Variants in PPP2R2C observed in about 807,000 individuals in gnomAD.
The protein encoded by PPP2R2C is protein phosphatase 2, regulatory subunit B, gamma.
Under a neutral mutation model 45.3 loss-of-function variants are expected in PPP2R2C, and 10 were observed. The observed-to-expected ratio is 0.22, with a 90% CI of 0.14 to 0.37. The LOEUF (loss-of-function observed/expected upper bound fraction) is 0.37. PPP2R2C is among the 10% of genes least tolerant of loss of function. The pLI, the probability that PPP2R2C is intolerant of heterozygous loss-of-function variation, is 1.00. For synonymous variants in PPP2R2C, 257 were observed against 245.4 expected (o/e 1.05, Z -0.44); for missense variants, 308 against 619.7 (o/e 0.50, Z 5.34).
At chr4:6,518,938 A>T (rs1209463910) in intron 2 of PPP2R2C, among the ~76,000 whole-genome samples, 1 of 111,764 alleles carries the variant, frequency 8.9e-6, no homozygotes. Flanking sequence ...AAAAAAAAAA[A>T]AAAAAAAAAA....
chr4:6,328,633 G>C lies in PPP2R2C; in HGVS notation c.1052+629C>G, dbSNP rs1732146942. 6.6e-6 allele frequency among the ~76,000 whole-genome samples: 1 copy of C among 152,194 alleles called. No homozygotes were observed. The highest frequency in any genetic ancestry group is 1.5e-5 in the Non-Finnish European group (1 of 68,026). ...CAGCCCCCTTGTCCATGCCCGCCCT[G>C]GGCTGAGCCCAGGCTAGGGAGACAC... is the stretch of plus-strand genomic sequence containing the variant. On this transcript the variant is annotated intron_variant, in intron 8 of 8. Coordinates refer to ENST00000382599, the MANE Select transcript of PPP2R2C (RefSeq NM_020416.4). The surrounding 1 kb of genome is among the most constrained non-coding windows in gnomAD (Gnocchi z 4.4).
chr4:6,372,483 T>C (rs1346567550), intron 5 of PPP2R2C, 40 bp downstream of exon 5: 1 of 1,563,552 alleles, frequency 6.4e-7, no homozygotes, highest in Admixed American at 1.8e-5. Flanking sequence ...GAAGCTACTC[T>C]GCCCGTGGGA....
intron 1 of PPP2R2C, chr4:6,414,101 TG>T (rs1718397190): frequency 1.5e-6 from 2 of 1,315,622 alleles, no homozygotes; most frequent in African/African-American, 1.5e-5. Flanking sequence ...TGTGTGTGTG[TG>T]TGTGTGTGTG....
chr4:6,497,929 A>C (rs1722925716), intron 2 of PPP2R2C, among the ~76,000 whole-genome samples: 1 of 152,264 alleles, frequency 6.6e-6, no homozygotes, highest in African/African-American at 2.4e-5. Context: ...GACCATTAGC[A>C]GTCACCAGAT....
At position 6,505,972 on chromosome 4, in the gene PPP2R2C, AT is replaced by A. The variant is rs200324091; in HGVS notation, c.49+29298del. On this transcript the variant is annotated intron_variant, in intron 2 of 9. Coordinates refer to the PPP2R2C transcript ENST00000506140. Reference sequence around the variant, plus strand: ...CAGAGTGAGACTCCCTCTCAAAAACATTTTTTTTAATTAAAAAAATAAAAAA... The same window carrying A: ...CAGAGTGAGACTCCCTCTCAAAAACATTTTTTTAATTAAAAAAATAAAAAA... Among the ~76,000 whole-genome samples, 1,396 of 152,132 alleles carry A rather than the reference AT, an allele frequency of 9.2e-3. 12 individuals are homozygous for A. Among genetic ancestry groups the A allele is most frequent in the African/African-American group, 0.025 (1,020 of 41,484 alleles).
chr4:6,555,829 C>A (rs1725384579), intron 1 of PPP2R2C, among the ~76,000 whole-genome samples: 1 of 152,078 alleles, frequency 6.6e-6, no homozygotes, highest in Non-Finnish European at 1.5e-5. Flanking sequence ...GCTTGCTGGT[C>A]TCCTCGGGTA....
At chr4:6,349,597 T>A in intron 5 of PPP2R2C, 1 of 985,182 alleles carries the variant, frequency 1.0e-6, no homozygotes, top group Non-Finnish European at 1.2e-6. Flanking sequence ...TCCCAGCACT[T>A]TGGGAGGCCG....
intron 1 of PPP2R2C, among the ~76,000 whole-genome samples, chr4:6,413,174 C>T (rs11731465): frequency 6.6e-6 from 1 of 151,936 alleles, no homozygotes; most frequent in African/African-American, 2.4e-5. Context: ...ATCACACGCT[C>T]TCACACTCAC....
At position 6,472,402 on chromosome 4, in the gene PPP2R2C, G is replaced by C; in HGVS notation, c.-173C>G. 1 of 883,844 alleles carries C rather than the reference G, an allele frequency of 1.1e-6. No homozygotes were observed. The highest frequency in any genetic ancestry group is 1.4e-6 in the Non-Finnish European group (1 of 738,666). The allele number at this position is 883,844 out of a possible 1,614,324, so 54.8% of individuals were successfully genotyped here. A position where few individuals can be genotyped will look rare whatever the true frequency, so the allele number is the denominator to read the frequency against. ...GGGACGGGCGGGGGCGGCCGGGGGCGGGCGCCGCGGTCAAGCGAGCGCGCG... is the reference window on the plus strand; with the variant it reads ...GGGACGGGCGGGGGCGGCCGGGGGCCGGCGCCGCGGTCAAGCGAGCGCGCG... On this transcript the variant is annotated 5_prime_UTR_variant, in exon 1 of 9. Transcript: ENST00000382599.
chr4:6,428,632 G>A (rs1488158962), intron 1 of PPP2R2C, among the ~76,000 whole-genome samples: 3 of 152,338 alleles, frequency 2.0e-5, no homozygotes, highest in East Asian at 1.9e-4. Flanking sequence ...GGGTTGACTC[G>A]TTTGGGGCAA....
chr4:6,335,063 A>C (rs899109874), intron 6 of PPP2R2C, among the ~76,000 whole-genome samples: 1 of 152,296 alleles, frequency 6.6e-6, no homozygotes, highest in South Asian at 2.1e-4. Flanking sequence ...GGATGCCCTG[A>C]TGGACTCATT....
intron 1 of PPP2R2C, among the ~76,000 whole-genome samples, chr4:6,457,992 A>T (rs1285724046): frequency 6.6e-6 from 1 of 152,180 alleles, no homozygotes; most frequent in African/African-American, 2.4e-5. Flanking sequence ...GCTTTGGGGC[A>T]CAACTCCTTT....
intron 1 of PPP2R2C, among the ~76,000 whole-genome samples, chr4:6,429,741 C>T (rs2109407446): frequency 6.6e-6 from 1 of 152,288 alleles, no homozygotes; most frequent in South Asian, 2.1e-4. Context: ...TATGCTAACA[C>T]CATGGCATCA....
At chr4:6,436,190 A>C (rs542546884) in intron 1 of PPP2R2C, among the ~76,000 whole-genome samples, 1 of 152,322 alleles carries the variant, frequency 6.6e-6, no homozygotes, top group South Asian at 2.1e-4. Context: ...ACTGTGAGAG[A>C]TAAAAGTATG....
At position 6,334,856 on chromosome 4, in the gene PPP2R2C, C is replaced by T. The variant is rs529186485; in HGVS notation, c.791-1125G>A. Among the ~76,000 whole-genome samples, 16 of 152,320 alleles carry T rather than the reference C, an allele frequency of 1.1e-4. No individual in the cohort carries two copies. In the South Asian group the frequency reaches 3.1e-3, roughly 30 times the overall value. The stretch of plus-strand genomic sequence containing the variant: ...GAGCTGATCACAGCACCCTGAGGCT[C>T]CCGAGAGGCCCCTCCCTGCTGGCCC... On this transcript the variant is annotated intron_variant, in intron 6 of 8. Coordinates refer to ENST00000382599, the MANE Select transcript of PPP2R2C (RefSeq NM_020416.4).
chr4:6,356,704 G>A lies in PPP2R2C; in HGVS notation c.626-8694C>T, dbSNP rs150394644. On this transcript the variant is annotated intron_variant, in intron 5 of 8. Coordinates refer to ENST00000382599, the MANE Select transcript of PPP2R2C (RefSeq NM_020416.4). ...GCTCTGTAGGTGAGCTGCTGAGAAG[G>A]TCTGCGGCCTGTTCTGCCTGGCTGC... Among the ~76,000 whole-genome samples, 751 of 152,394 alleles carry A rather than the reference G, an allele frequency of 4.9e-3. 4 individuals are homozygous for A. In the Middle Eastern group the frequency reaches 0.054, roughly 11 times the overall value.
At chr4:6,340,625 C>G (rs1463683933) in intron 6 of PPP2R2C, among the ~76,000 whole-genome samples, 5 of 152,160 alleles carry the variant, frequency 3.3e-5, no homozygotes, top group Admixed American at 1.3e-4. Context: ...ACCGGCCACT[C>G]ACTCTGCGCA....
At chr4:6,559,647 G>A (rs1220486241) in intron 1 of PPP2R2C, among the ~76,000 whole-genome samples, 8 of 152,150 alleles carry the variant, frequency 5.3e-5, no homozygotes, top group East Asian at 1.9e-4. Flanking sequence ...ATGAGGAGCC[G>A]GGCCCTGGGG....
At chr4:6,350,338 G>A in intron 5 of PPP2R2C, 1 of 985,446 alleles carries the variant, frequency 1.0e-6, no homozygotes, top group African/African-American at 1.7e-5. Flanking sequence ...TCACTAAAGT[G>A]GGATCCAGAG....
Sources: allele counts gnomAD v4.1 joint callset (sites outside exome capture counted in the v4.1 genomes callset), GRCh38; gene constraint gnomAD v4.1.1; non-coding constraint Gnocchi (gnomAD v3.1); transcripts MANE v1.5; gene names NCBI Gene and HGNC (gene_info 2026-07-23, HGNC 2026-07-21).